The following RAD51B variants were observed in gnomAD, a reference collection of about 807,000 sequenced individuals.
The protein encoded by RAD51B is RAD51 paralog B.
A neutral mutation model predicts 42.2 loss-of-function variants in RAD51B; 38 were observed. The observed-to-expected ratio is 0.90, with a 90% confidence interval of 0.70 to 1.18. The LOEUF (loss-of-function observed/expected upper bound fraction) is 1.18, where lower values mean the gene tolerates loss of function less well. Ranked by LOEUF, RAD51B falls within the 50% of genes most tolerant of loss-of-function variation. RAD51B has a pLI of 0.00. For missense variants in RAD51B, 373 were observed against 400.7 expected, an observed-to-expected ratio of 0.93 and a Z score of 0.59; for synonymous variants, 154 against 145.2, an observed-to-expected ratio of 1.06 and a Z score of -0.43.
intron 7 of RAD51B, among the ~76,000 whole-genome samples, chr14:68,142,464 TTTTC>T (rs2078148707): frequency 6.6e-6 from 1 of 152,216 alleles, no homozygotes; most frequent in South Asian, 2.1e-4. Flanking sequence ...TTCTTTATGT[TTTTC>T]TTTCTTTCAA....
chr14:68,465,183 T>C (rs2140225133), intron 9 of RAD51B, among the ~76,000 whole-genome samples: 1 of 152,380 alleles, frequency 6.6e-6, no homozygotes, highest in South Asian at 2.1e-4. Flanking sequence ...GTTTCATGTC[T>C]AGTTGCTACA....
intron 5 of RAD51B, among the ~76,000 whole-genome samples, chr14:67,877,667 TATA>T (rs1440306599): frequency 6.6e-6 from 1 of 152,194 alleles, no homozygotes; most frequent in African/African-American, 2.4e-5. Flanking sequence ...AAGAGAAATT[TATA>T]ATTTAAAAAA....
At chr14:68,577,433 T>C (rs1890010583) in intron 10 of RAD51B, among the ~76,000 whole-genome samples, 1 of 152,090 alleles carries the variant, frequency 6.6e-6, no homozygotes, top group Non-Finnish European at 1.5e-5. Context: ...CTCCCTCCTT[T>C]AGTTTAGATG....
intron 7 of RAD51B, among the ~76,000 whole-genome samples, chr14:68,203,205 T>C (rs1358198286): frequency 1.3e-5 from 2 of 152,224 alleles, no homozygotes; most frequent in Non-Finnish European, 1.5e-5. Flanking sequence ...GCTATAACCT[T>C]ACAAAAATTT....
intron 7 of RAD51B, among the ~76,000 whole-genome samples, chr14:68,127,462 G>C (rs1225065004): frequency 6.6e-6 from 1 of 152,150 alleles, no homozygotes; most frequent in Non-Finnish European, 1.5e-5. Context: ...GCAACACAGA[G>C]TACTCATTAA....
chr14:67,871,782 T>C (rs1157055845), intron 5 of RAD51B, among the ~76,000 whole-genome samples: 2 of 152,054 alleles, frequency 1.3e-5, no homozygotes, highest in African/African-American at 4.8e-5. Context: ...GCTGGTTCAA[T>C]ATATGCAAAT....
chr14:68,637,235 C>T (rs1007697748), intron 10 of RAD51B, among the ~76,000 whole-genome samples: 1 of 152,120 alleles, frequency 6.6e-6, no homozygotes, highest in South Asian at 2.1e-4. Flanking sequence ...ATGGCCATCA[C>T]ACCTGGCTAA....
exon 11 of RAD51B, chr14:68,611,027 T>C (rs1227100764): frequency 1.4e-6 from 1 of 703,058 alleles, no homozygotes; most frequent in Non-Finnish European, 2.6e-6. Flanking sequence ...GTGGCCAGAG[T>C]CAGCCCCAGG....
intron 9 of RAD51B, among the ~76,000 whole-genome samples, chr14:68,427,419 G>T (rs944588110): frequency 2.0e-5 from 3 of 152,216 alleles, no homozygotes; most frequent in Non-Finnish European, 4.4e-5. Flanking sequence ...GCTTCCCAAG[G>T]TCTTCTGGGT....
intron 7 of RAD51B, among the ~76,000 whole-genome samples, chr14:68,036,638 TA>T (rs1171118811): frequency 1.3e-5 from 2 of 152,312 alleles, no homozygotes; most frequent in Non-Finnish European, 2.9e-5. Flanking sequence ...GGGAAATTAT[TA>T]TTTTTTTCAT....
At chr14:68,473,875 A>G (rs1324529062) in intron 10 of RAD51B, among the ~76,000 whole-genome samples, 2 of 152,206 alleles carry the variant, frequency 1.3e-5, no homozygotes, top group Non-Finnish European at 2.9e-5. Flanking sequence ...TTCTACATAT[A>G]TGTGAATCCA....
intron 4 of RAD51B, among the ~76,000 whole-genome samples, chr14:67,850,970 G>A (rs918055895): frequency 2.0e-5 from 3 of 152,216 alleles, no homozygotes; most frequent in South Asian, 4.1e-4. Context: ...ACTCTCCAGG[G>A]GAGTGGTTTT....
chr14:67,877,079 A>AG (rs1175008234), intron 5 of RAD51B, among the ~76,000 whole-genome samples: 5 of 152,114 alleles, frequency 3.3e-5, no homozygotes, highest in African/African-American at 7.2e-5. Flanking sequence ...GGGAATTTGT[A>AG]GGGGGGTGCA....
chr14:68,278,527 G>T (rs1186192302), intron 7 of RAD51B, among the ~76,000 whole-genome samples: 1 of 152,164 alleles, frequency 6.6e-6, no homozygotes, highest in East Asian at 1.9e-4. Context: ...AGACTATGTA[G>T]TGCTCTTCAG....
At chr14:68,194,501 G>A (rs991180472) in intron 7 of RAD51B, among the ~76,000 whole-genome samples, 4 of 152,152 alleles carry the variant, frequency 2.6e-5, no homozygotes, top group African/African-American at 4.8e-5. Flanking sequence ...AGTGCCACAC[G>A]GCTAACTACA....
At chr14:67,902,672 T>G (rs1004453336) in intron 7 of RAD51B, among the ~76,000 whole-genome samples, 1 of 152,194 alleles carries the variant, frequency 6.6e-6, no homozygotes, top group Non-Finnish European at 1.5e-5. Flanking sequence ...ATGAACTCTA[T>G]CCACTAAATT....
At chr14:68,173,895 G>T (rs1354222149) in intron 7 of RAD51B, among the ~76,000 whole-genome samples, 2 of 152,110 alleles carry the variant, frequency 1.3e-5, no homozygotes, top group Admixed American at 1.3e-4. Flanking sequence ...GCCACATATT[G>T]GTCCATGAAA....
chr14:68,343,721 A>G (rs1051761402), intron 8 of RAD51B, among the ~76,000 whole-genome samples: 4 of 152,282 alleles, frequency 2.6e-5, no homozygotes, highest in African/African-American at 7.2e-5. Context: ...AGACTCTGCT[A>G]TCAGACCCAG....
chr14:68,309,165 A>ATTCT (rs1324558483), intron 8 of RAD51B, among the ~76,000 whole-genome samples: 10 of 152,130 alleles, frequency 6.6e-5, no homozygotes, highest in African/African-American at 2.4e-4. Flanking sequence ...TGGAAAAGCT[A>ATTCT]TTCTTACAGT....
Sources: gnomAD v4.1 joint callset for allele counts (sites outside exome capture counted in the v4.1 genomes callset) on GRCh38, gnomAD v4.1.1 for gene constraint, MANE v1.5 for transcripts, NCBI Gene and HGNC (gene_info 2026-07-23, HGNC 2026-07-21) for gene names.